Variants in AQP11 observed in about 807,000 individuals in gnomAD.
AQP11 encodes the protein aquaporin 11.
Under a neutral mutation model 21.1 loss-of-function variants are expected in AQP11, and 20 were observed. The ratio of observed to expected loss-of-function variants is 0.95; its 90% CI spans 0.67 to 1.38. AQP11 has a LOEUF of 1.38. AQP11 is among the 40% of genes most tolerant of loss of function. The probability of loss-of-function intolerance (pLI) is 0.00; values close to 1 mark genes in which losing one functional copy is unlikely to be tolerated. For synonymous variants in AQP11, 167 were observed against 150.1 expected (o/e 1.11, Z -0.82); for missense variants, 339 against 340.4 (o/e 1.00, Z 0.03).
intron 2 of AQP11, among the ~76,000 whole-genome samples, chr11:77,607,096 A>C (rs1958850865): frequency 6.6e-6 from 1 of 152,190 alleles, no homozygotes; most frequent in Non-Finnish European, 1.5e-5. Context: ...GGCATCCTTC[A>C]GTATATGTAG....
Position 77,590,524 on chromosome 11 carries a change from C to T in AQP11, c.532C>T (p.His178Tyr). ...ITEAVCSFLFHSALLHFQEVR... is the reference protein window; with the variant it reads ...ITEAVCSFLFYSALLHFQEVR... ...AGAGGCCGTCTGCTCCTTTCTCTTC[C>T]ACAGCGCTCTGCTGCACTTCCAGGA... Residue 178 changes from histidine (H) to tyrosine (Y), a missense_variant, in exon 1 of 3, where the codon CAC becomes TAC. Physicochemically the swap from His to Tyr is moderately conservative, Grantham distance 83 (BLOSUM62 2). Transcript: ENST00000313578. 2 of 1,614,194 alleles carry T rather than the reference C, an allele frequency of 1.2e-6. No homozygotes were observed. The highest frequency in any genetic ancestry group is 1.7e-6 in the Non-Finnish European group (2 of 1,180,032).
intron 1 of AQP11, chr11:77,590,828 A>C (rs938126273): frequency 1.0e-6 from 1 of 985,318 alleles, no homozygotes; most frequent in Non-Finnish European, 1.2e-6. Flanking sequence ...GAAAGGAGCC[A>C]CCTCTGTGCT....
intron 1 of AQP11, chr11:77,591,356 C>G: frequency 1.0e-6 from 1 of 963,686 alleles, no homozygotes. Context: ...GGAGGAAATC[C>G]AAAACACAAG....
chr11:77,603,021 A>C (rs2135749817), intron 1 of AQP11, among the ~76,000 whole-genome samples: 1 of 152,320 alleles, frequency 6.6e-6, no homozygotes, highest in Non-Finnish European at 1.5e-5. Flanking sequence ...AGTAGCCAAC[A>C]GTTATAATTT....
intron 2 of AQP11, among the ~76,000 whole-genome samples, chr11:77,605,636 T>TC (rs1420471673): frequency 6.6e-6 from 1 of 152,136 alleles, no homozygotes; most frequent in Non-Finnish European, 1.5e-5. Context: ...GTGGAACAGT[T>TC]CCATCCCAAA....
Position 77,590,434 on chromosome 11 carries a change from G to T in AQP11, c.442G>T (p.Val148Phe). The change falls in exon 1 of 3, where the codon GTC (valine) becomes TTC (phenylalanine). Residue 148 changes from valine to phenylalanine, a missense_variant. By Grantham distance (50) the Val-to-Phe change is conservative. Transcript: ENST00000313578. ...GAGCTTGGGTCTGACCCAGTATCAC[G>T]TCAGCGAGAGGAGCTTCGCTTGCAA... is the stretch of plus-strand genomic sequence containing the variant. ...LWSLGLTQYH[V>F]SERSFACKNP... is the part of the protein sequence containing the mutation. 6.2e-7 allele frequency: 1 copy of T among 1,614,052 alleles called. No homozygotes were observed. The highest frequency in any genetic ancestry group is 8.5e-7 in the Non-Finnish European group (1 of 1,180,026).
intron 2 of AQP11, among the ~76,000 whole-genome samples, chr11:77,604,685 C>G (rs1458775685): frequency 6.6e-6 from 1 of 152,188 alleles, no homozygotes; most frequent in Non-Finnish European, 1.5e-5. Flanking sequence ...ACACTTTACT[C>G]TTCCTGTTTA....
At chr11:77,608,313 C>A (rs1958857969) in intron 2 of AQP11, among the ~76,000 whole-genome samples, 1 of 152,132 alleles carries the variant, frequency 6.6e-6, no homozygotes, top group African/African-American at 2.4e-5. Context: ...ATGAAGATTA[C>A]CAATATGTGA....
rs1958865941 is a variant in AQP11, at chr11:77,609,581, T to C, written c.*204T>C. On this transcript the variant is annotated 3_prime_UTR_variant, in exon 3 of 3. Coordinates refer to ENST00000313578, the MANE Select transcript of AQP11 (RefSeq NM_173039.3). ...TATTCTGTACTTCTCAGTTAAGACTTGTTCTTTGAGTGATGTATTAAATGC... is the reference window on the plus strand; with the variant it reads ...TATTCTGTACTTCTCAGTTAAGACTCGTTCTTTGAGTGATGTATTAAATGC... 2 of 403,030 alleles carry C rather than the reference T, an allele frequency of 5.0e-6. No homozygotes were observed. The highest frequency in any genetic ancestry group is 7.1e-5 in the East Asian group (2 of 27,978). The allele number at this position is 403,030 out of a possible 1,614,324, so 25.0% of individuals were successfully genotyped here.
chr11:77,596,817 A>G (rs1487583662), intron 1 of AQP11, among the ~76,000 whole-genome samples: 1 of 151,512 alleles, frequency 6.6e-6, no homozygotes, highest in Non-Finnish European at 1.5e-5. Flanking sequence ...CCATGATTTC[A>G]TCACTGCATT....
At position 77,603,632 on chromosome 11, in the gene AQP11, C is replaced by G. The variant is rs780838062; in HGVS notation, c.696C>G (p.Phe232Leu). The change falls in exon 2 of 3, where the codon TTC (phenylalanine) becomes TTG (leucine). Residue 232 changes from phenylalanine to leucine, a missense_variant. Physicochemically the swap from Phe to Leu is conservative, Grantham distance 22. Transcript: ENST00000313578. ...SLHFMCFDEA[F>L]PQFFIVYWLA... ...ATTTCATGTGTTTTGATGAAGCATT[C>G]CCTCAGTTTTTTATAGTATACTGGC... is the stretch of plus-strand genomic sequence containing the variant. 1 of 1,608,358 alleles carries G rather than the reference C, an allele frequency of 6.2e-7. No homozygotes were observed. The highest frequency in any genetic ancestry group is 8.5e-7 in the Non-Finnish European group (1 of 1,177,804).
rs559881432 is a variant in AQP11, at chr11:77,590,504, C to T, written c.512C>T (p.Ala171Val). ...VDLLKAVITE[A>V]VCSFLFHSAL... ...TTGCTCAAAGCGGTCATCACAGAGG[C>T]CGTCTGCTCCTTTCTCTTCCACAGC... is the stretch of plus-strand genomic sequence containing the variant. The change falls in exon 1 of 3, where the codon GCC (alanine) becomes GTC (valine). Residue 171 changes from alanine (A) to valine (V), a missense_variant. Physicochemically the swap from Ala to Val is moderately conservative, Grantham distance 64 (BLOSUM62 0). Transcript: ENST00000313578. 1 of 1,614,172 alleles carries T rather than the reference C, an allele frequency of 6.2e-7. No individual in the cohort carries two copies. The highest frequency in any genetic ancestry group is 1.1e-5 in the South Asian group (1 of 91,078).
At position 77,610,301 on chromosome 11, in the gene AQP11, C is replaced by A. The variant is rs1163842323; in HGVS notation, c.*924C>A. On this transcript the variant is annotated 3_prime_UTR_variant, in exon 3 of 3. Transcript: ENST00000313578. ...TAAATACTTTATAATAACGTTAAAA[C>A]TTGTTTAGAAATTAACTAGTATTTT... The A allele has an allele frequency of 6.6e-6, 1 of 152,134 alleles. No homozygotes were observed. The highest frequency in any genetic ancestry group is 1.5e-5 in the Non-Finnish European group (1 of 68,032). 9.4% of individuals were successfully genotyped at this position (152,134 alleles called of 1,614,324 possible). A position where few individuals can be genotyped will look rare whatever the true frequency, so the allele number is the denominator to read the frequency against.
intron 1 of AQP11, among the ~76,000 whole-genome samples, chr11:77,599,018 A>T (rs1278436863): frequency 1.3e-5 from 2 of 152,140 alleles, no homozygotes; most frequent in African/African-American, 4.8e-5. Context: ...AGTAGCTGGG[A>T]TTACAGGCAT....
chr11:77,606,841 C>T (rs7106659), intron 2 of AQP11, among the ~76,000 whole-genome samples: 27,589 of 152,074 alleles, frequency 0.18, 3,209 homozygotes, highest in African/African-American at 0.31. Context: ...GTGATCTGCC[C>T]GCCTTGGCCT....
At position 77,590,151 on chromosome 11, in the gene AQP11, C is replaced by A; in HGVS notation, c.159C>A (p.Ala53=). Residue 53 remains alanine (A), a synonymous_variant, in exon 1 of 3, where the codon GCC becomes GCA. Transcript: ENST00000313578. The stretch of plus-strand genomic sequence containing the variant: ...ACGCCTTCGTCCTGGAGTTTCTAGC[C>A]ACCTTCCAGCTCTGCTGCTGCACCC... ...VAHAFVLEFL[A]TFQLCCCTHE... 6.2e-7 allele frequency: 1 copy of A among 1,608,198 alleles called. No homozygotes were observed.
chr11:77,596,723 G>A (rs994061519), intron 1 of AQP11, among the ~76,000 whole-genome samples: 2 of 151,322 alleles, frequency 1.3e-5, no homozygotes, highest in Admixed American at 6.6e-5. Flanking sequence ...AGCCAGGTAT[G>A]GTGGTGCACG....
At chr11:77,601,596 C>T (rs888429946) in intron 1 of AQP11, among the ~76,000 whole-genome samples, 7 of 152,130 alleles carry the variant, frequency 4.6e-5, no homozygotes, top group African/African-American at 7.2e-5. Context: ...GTGATCCACC[C>T]GCTTCAGCCT....
intron 1 of AQP11, among the ~76,000 whole-genome samples, chr11:77,592,084 A>G (rs568082725): frequency 2.0e-5 from 3 of 152,200 alleles, no homozygotes; most frequent in Admixed American, 2.0e-4. Flanking sequence ...TGGGCAACAT[A>G]AGAGAAATCC....
Sources: allele counts gnomAD v4.1 joint callset (sites outside exome capture counted in the v4.1 genomes callset), GRCh38; gene constraint gnomAD v4.1.1; transcripts MANE v1.5; gene names NCBI Gene and HGNC (gene_info 2026-07-23, HGNC 2026-07-21).